The following LOXL4 variants were observed in gnomAD, a reference collection of about 807,000 sequenced individuals.
LOXL4 encodes the protein lysyl oxidase homolog 4.
LOXL4 carries 72 observed loss-of-function variants against 89.1 expected under a neutral mutation model. The ratio of observed to expected loss-of-function variants is 0.81; its 90% CI spans 0.67 to 0.98. The LOEUF (loss-of-function observed/expected upper bound fraction) is 0.98, where lower values mean the gene tolerates loss of function less well. Ranked by LOEUF, LOXL4 falls within the 50% of genes least tolerant of loss-of-function variation. The probability of loss-of-function intolerance (pLI) is 0.00; values close to 1 mark genes in which losing one functional copy is unlikely to be tolerated. For synonymous variants in LOXL4, 355 were observed against 392.1 expected (o/e 0.91, Z 1.12); for missense variants, 984 against 1,017.5 (o/e 0.97, Z 0.45).
chr10:98,261,040 T>G lies in LOXL4; in HGVS notation c.544A>C (p.Lys182Gln). 6.2e-7 allele frequency: 1 copy of G among 1,614,004 alleles called. No individual in the cohort carries two copies. Among genetic ancestry groups the G allele is most frequent in the Non-Finnish European group, 8.5e-7 (1 of 1,180,022 alleles). The change falls in exon 4 of 15, where the codon AAG becomes CAG. Residue 182 changes from lysine (K) to glutamine (Q), a missense_variant. Lys to Gln is a moderately conservative substitution (Grantham distance 53). Coordinates refer to ENST00000260702, the MANE Select transcript of LOXL4 (RefSeq NM_032211.7). ...SPVTEGAVEV[K>Q]YEGHWRQVCD... ...ACCTGCCGCCAGTGGCCCTCATACT[T>G]CACCTCCACGGCTCCCTCGGTCACT...
chr10:98,253,928 A>G, intron 10 of LOXL4, 132 bp from the exon 11 acceptor site: 5 of 1,105,688 alleles, frequency 4.5e-6, no homozygotes, highest in Non-Finnish European at 6.4e-6. Flanking sequence ...GGCAGTTTTA[A>G]GAGTCAGGAG....
intron 8 of LOXL4, 115 bp downstream of exon 8, chr10:98,257,535 C>G (rs751750923): frequency 4.3e-5 from 56 of 1,292,562 alleles, no homozygotes; most frequent in Non-Finnish European, 5.4e-5. Context: ...GTGCCCAAAG[C>G]AGAAGCGCTA....
chr10:98,257,938 G>T, intron 7 of LOXL4, 43 bp downstream of exon 7: 1 of 1,603,314 alleles, frequency 6.2e-7, no homozygotes, highest in Non-Finnish European at 8.5e-7. Context: ...TGGACCAGTG[G>T]CATATCCAGG....
At chr10:98,257,240 C>G (rs1858403960) in intron 8 of LOXL4, among the ~76,000 whole-genome samples, 1 of 152,046 alleles carries the variant, frequency 6.6e-6, no homozygotes, top group South Asian at 2.1e-4. Flanking sequence ...GCTTTCATGT[C>G]CCTTGCCTCA....
Position 98,255,680 on chromosome 10 carries a change from G to A in LOXL4, c.1488C>T (p.Arg496=), listed in dbSNP as rs550761381. 4.8e-5 allele frequency: 78 copies of A among 1,613,800 alleles called. No homozygotes were observed. In the Middle Eastern group the frequency reaches 9.9e-4, roughly 20 times the overall value. ...GCAGGGCCAGCTCTGTGCCTGAGCAGCGCACCCCACTCATCACCACCTCCT... is the reference window on the plus strand; with the variant it reads ...GCAGGGCCAGCTCTGTGCCTGAGCAACGCACCCCACTCATCACCACCTCCT... ...RAQEVVMSGV[R]CSGTELALQQ... The change falls in exon 10 of 15, where the codon CGC becomes CGT. Residue 496 remains arginine (R), a synonymous_variant. Transcript: ENST00000260702.
intron 1 of LOXL4, 102 bp from the exon 2 acceptor site, chr10:98,263,153 C>T: frequency 1.2e-6 from 1 of 852,252 alleles, no homozygotes; most frequent in Non-Finnish European, 1.7e-6. Context: ...AAGAAAACCC[C>T]CCTCAAATGT....
At chr10:98,253,347 G>A (rs975935939) in intron 11 of LOXL4, among the ~76,000 whole-genome samples, 1 of 152,216 alleles carries the variant, frequency 6.6e-6, no homozygotes, top group Non-Finnish European at 1.5e-5. Flanking sequence ...CAGACCCCAC[G>A]GGCACCATTG....
chr10:98,258,789 T>C (rs1858453634), intron 6 of LOXL4, among the ~76,000 whole-genome samples: 1 of 152,216 alleles, frequency 6.6e-6, no homozygotes, highest in African/African-American at 2.4e-5. Context: ...TACGGTCACC[T>C]TCTATTCAAG....
At chr10:98,263,830 T>C (rs1858611421) in intron 1 of LOXL4, among the ~76,000 whole-genome samples, 2 of 151,746 alleles carry the variant, frequency 1.3e-5, no homozygotes, top group South Asian at 4.2e-4. Context: ...CTCCCAGGTT[T>C]AAGCAATTCT....
chr10:98,249,054 C>A, intron 14 of LOXL4, 63 bp from the exon 15 acceptor site: 1 of 1,292,734 alleles, frequency 7.7e-7, no homozygotes, highest in Non-Finnish European at 1.1e-6. Context: ...TCCCTGACAA[C>A]TTACATAGAT....
chr10:98,255,222 C>T (rs1858321141), intron 10 of LOXL4, among the ~76,000 whole-genome samples: 1 of 152,230 alleles, frequency 6.6e-6, no homozygotes, highest in Non-Finnish European at 1.5e-5. Flanking sequence ...GTAAGAAATA[C>T]ATTTTATGCT....
intron 1 of LOXL4, among the ~76,000 whole-genome samples, chr10:98,264,700 T>C (rs889644514): frequency 8.6e-5 from 13 of 151,094 alleles, no homozygotes; most frequent in African/African-American, 2.9e-4. Flanking sequence ...GAGGAGAGAG[T>C]CTCAGCTGGT....
intron 1 of LOXL4, among the ~76,000 whole-genome samples, chr10:98,264,776 G>T (rs765214845): frequency 6.6e-6 from 1 of 152,290 alleles, no homozygotes; most frequent in Admixed American, 6.5e-5. Flanking sequence ...CTCTGCTGCC[G>T]ATGGAAGCTA....
chr10:98,261,882 G>T (rs1032816387), intron 3 of LOXL4, among the ~76,000 whole-genome samples, 153 bp downstream of exon 3: 3 of 152,350 alleles, frequency 2.0e-5, no homozygotes, highest in East Asian at 1.9e-4. Context: ...TGCACCTGCT[G>T]CAGGGCACAC....
Position 98,262,818 on chromosome 10 carries a change from T to C in LOXL4, c.202A>G (p.Thr68Ala). 6.2e-7 allele frequency: 1 copy of C among 1,613,682 alleles called. No homozygotes were observed. The highest frequency in any genetic ancestry group is 8.5e-7 in the Non-Finnish European group (1 of 1,180,040). The part of the protein sequence containing the change: ...CDDNFAIQEA[T>A]VACRQLGFEA... ...AAGCCCAGCTGGCGGCAAGCCACTG[T>C]GGCCTCCTGGATAGCAAAGTTGTCA... Residue 68 changes from threonine (T) to alanine (A), a missense_variant, in exon 2 of 15, where the codon ACA (threonine) becomes GCA (alanine). Coordinates refer to ENST00000260702, the MANE Select transcript of LOXL4 (RefSeq NM_032211.7).
intron 8 of LOXL4, among the ~76,000 whole-genome samples, chr10:98,257,317 A>G (rs1451011601): frequency 6.6e-6 from 1 of 152,208 alleles, no homozygotes; most frequent in African/African-American, 2.4e-5. Flanking sequence ...CTCACAGTCC[A>G]TGTTAGCACT....
At chr10:98,253,418 G>T in intron 11 of LOXL4, 135 bp downstream of exon 11, 1 of 1,270,452 alleles carries the variant, frequency 7.9e-7, no homozygotes, top group Non-Finnish European at 1.1e-6. Flanking sequence ...ACTGCCTCCT[G>T]CAGGCAAGGC....
intron 13 of LOXL4, 60 bp from the exon 14 acceptor site, chr10:98,251,236 T>C: frequency 8.0e-7 from 1 of 1,243,478 alleles, no homozygotes; most frequent in South Asian, 1.2e-5. Context: ...GAGTTGACTG[T>C]GGCTGTGATA....
chr10:98,252,388 G>T lies in LOXL4; in HGVS notation c.1916C>A (p.Ala639Asp). The change falls in exon 12 of 15, where the codon GCC becomes GAC. Residue 639 changes from alanine (A) to aspartate (D), a missense_variant. By Grantham distance (126) the Ala-to-Asp change is moderately radical (BLOSUM62 -2). Transcript: ENST00000260702. ...NGSKVAEGHK[A>D]SFCLEDTNCP... Reference sequence around the variant, plus strand: ...GTTTGTGTCCTCCAGACAGAAGCTGGCCTTGTGCCCCTCAGCCACCTTGGA... The same window carrying T: ...GTTTGTGTCCTCCAGACAGAAGCTGTCCTTGTGCCCCTCAGCCACCTTGGA... 1 of 1,614,090 alleles carries T rather than the reference G, an allele frequency of 6.2e-7. No individual in the cohort carries two copies. Among genetic ancestry groups the T allele is most frequent in the Non-Finnish European group, 8.5e-7 (1 of 1,179,974 alleles).
Sources: gnomAD v4.1 joint callset for allele counts (sites outside exome capture counted in the v4.1 genomes callset) on GRCh38, gnomAD v4.1.1 for gene constraint, MANE v1.5 for transcripts, NCBI Gene and HGNC (gene_info 2026-07-23, HGNC 2026-07-21) for gene names.